PLCB1: variants seen among roughly 807,000 people sequenced by gnomAD.
PLCB1 encodes phospholipase C beta 1, also known as 1-phosphatidylinositol 4,5-bisphosphate phosphodiesterase beta-1.
In PLCB1, 46 loss-of-function variants were observed where a neutral mutation model predicts 161.8. That is an observed-to-expected ratio of 0.28 (90% CI 0.22 to 0.36). The LOEUF is 0.36. Ranked by LOEUF, PLCB1 falls within the 10% of genes least tolerant of loss-of-function variation. PLCB1 has a pLI of 1.00. For missense variants in PLCB1, 1,016 were observed against 1,472.5 expected (o/e 0.69, Z 5.07); for synonymous variants, 517 against 503.7 (o/e 1.03, Z -0.35).
chr20:8,352,065 A>G (rs1986197828), intron 2 of PLCB1, among the ~76,000 whole-genome samples: 1 of 152,120 alleles, frequency 6.6e-6, no homozygotes, highest in African/African-American at 2.4e-5. Context: ...CTTATTCTTA[A>G]TAACCCAAAA....
chr20:8,334,831 GC>G (rs1436015324), intron 2 of PLCB1, among the ~76,000 whole-genome samples: 1 of 152,136 alleles, frequency 6.6e-6, no homozygotes, highest in African/African-American at 2.4e-5. Flanking sequence ...ACCTACCTCT[GC>G]CCCATGCTTT....
At chr20:8,400,658 TA>T (rs1248159409) in intron 3 of PLCB1, among the ~76,000 whole-genome samples, 1 of 152,198 alleles carries the variant, frequency 6.6e-6, no homozygotes, top group Non-Finnish European at 1.5e-5. Context: ...TATTTAAACT[TA>T]GCAATTTGTT....
chr20:8,787,167 G>A (rs1227256969), intron 27 of PLCB1, among the ~76,000 whole-genome samples: 1 of 152,194 alleles, frequency 6.6e-6, no homozygotes. Context: ...GTTTTATTGT[G>A]TTGAAAGGAA....
intron 2 of PLCB1, among the ~76,000 whole-genome samples, chr20:8,353,324 G>T (rs1986245412): frequency 6.6e-6 from 1 of 152,078 alleles, no homozygotes; most frequent in African/African-American, 2.4e-5. Flanking sequence ...TTATAAATCA[G>T]TCATTGAATG....
intron 3 of PLCB1, among the ~76,000 whole-genome samples, chr20:8,553,043 C>T (rs1357600970): frequency 6.6e-6 from 1 of 152,142 alleles, no homozygotes; most frequent in Non-Finnish European, 1.5e-5. Context: ...GTCCGATTTA[C>T]ATCCATCGCT....
chr20:8,457,714 G>GCACA (rs145581916), intron 3 of PLCB1, among the ~76,000 whole-genome samples: 1,907 of 145,822 alleles, frequency 0.013, 41 homozygotes, highest in East Asian at 0.062. Context: ...ATGTGTGCGC[G>GCACA]CACACACACA....
chr20:8,501,864 CATATATATATATAT>C (rs36226867), intron 3 of PLCB1, among the ~76,000 whole-genome samples: 184 of 104,688 alleles, frequency 1.8e-3, no homozygotes, highest in South Asian at 4.5e-3. Context: ...AGATATATCG[CATATATATATATAT>C]ATATATATAT....
intron 4 of PLCB1, among the ~76,000 whole-genome samples, chr20:8,638,301 A>G (rs1988830898): frequency 6.6e-6 from 1 of 152,116 alleles, no homozygotes; most frequent in Admixed American, 6.5e-5. Flanking sequence ...ACTATTTTTA[A>G]TGAGTGGATC....
intron 27 of PLCB1, among the ~76,000 whole-genome samples, chr20:8,781,573 C>T (rs1488996851): frequency 6.6e-6 from 1 of 152,002 alleles, no homozygotes; most frequent in Non-Finnish European, 1.5e-5. Flanking sequence ...ATGAATGTAG[C>T]TTAATTTATT....
chr20:8,809,414 G>A (rs1984702823), intron 31 of PLCB1, among the ~76,000 whole-genome samples: 2 of 152,108 alleles, frequency 1.3e-5, no homozygotes, highest in African/African-American at 4.8e-5. Flanking sequence ...ATCGGTAGTG[G>A]TGGCTCTGAC....
intron 31 of PLCB1, among the ~76,000 whole-genome samples, chr20:8,796,118 T>C (rs1369926653): frequency 1.3e-5 from 2 of 152,182 alleles, no homozygotes; most frequent in African/African-American, 4.8e-5. Flanking sequence ...AACACAGGTT[T>C]TCTGCTTAAT....
chr20:8,145,398 T>C (rs2051443731), intron 1 of PLCB1, among the ~76,000 whole-genome samples: 1 of 152,178 alleles, frequency 6.6e-6, no homozygotes, highest in Non-Finnish European at 1.5e-5. Context: ...TTTGAGGTAC[T>C]GGGGATTAGG....
At chr20:8,746,126 T>A (rs979936846) in intron 23 of PLCB1, among the ~76,000 whole-genome samples, 1 of 152,164 alleles carries the variant, frequency 6.6e-6, no homozygotes, top group Non-Finnish European at 1.5e-5. Flanking sequence ...GAGACGGGGT[T>A]TCACCATGTT....
intron 3 of PLCB1, among the ~76,000 whole-genome samples, chr20:8,376,145 C>T (rs1987071858): frequency 3.3e-5 from 5 of 152,164 alleles, no homozygotes; most frequent in Admixed American, 2.0e-4. Context: ...GTGCTGCCAA[C>T]TTCCAGCTCT....
At chr20:8,478,811 T>A (rs1181765559) in intron 3 of PLCB1, among the ~76,000 whole-genome samples, 1 of 152,126 alleles carries the variant, frequency 6.6e-6, no homozygotes. Context: ...CTGAAAAAAA[T>A]TTTCTGCTAC....
chr20:8,742,506 A>T (rs1466971718), intron 23 of PLCB1, among the ~76,000 whole-genome samples: 3 of 152,206 alleles, frequency 2.0e-5, no homozygotes, highest in Non-Finnish European at 4.4e-5. Context: ...TAAAAATGAC[A>T]AAAGAAAACA....
chr20:8,337,718 C>T (rs1985637475), intron 2 of PLCB1, among the ~76,000 whole-genome samples: 1 of 152,054 alleles, frequency 6.6e-6, no homozygotes, highest in African/African-American at 2.4e-5. Flanking sequence ...ATTTAGAAAC[C>T]CTTTTGCAAA....
intron 9 of PLCB1, among the ~76,000 whole-genome samples, chr20:8,664,308 GTTAATAGTT>G (rs1464473901): frequency 6.6e-6 from 1 of 152,054 alleles, no homozygotes; most frequent in Admixed American, 6.6e-5. Flanking sequence ...TACTCGCTGA[GTTAATAGTT>G]TAATAGTTGA....
chr20:8,727,367 C>T lies in PLCB1; in HGVS notation c.1737C>T (p.Leu579=), dbSNP rs761026739. 6.3e-7 allele frequency: 1 copy of T among 1,595,722 alleles called. No homozygotes were observed. Among genetic ancestry groups the T allele is most frequent in the Non-Finnish European group, 8.6e-7 (1 of 1,164,124 alleles). ...TGGAAACCAAAGGACTTGAACAACT[C>T]ACCAAGTCTCCAGTGGAATTTGTAG... The part of the protein sequence containing the change: ...SFVETKGLEQ[L]TKSPVEFVEY... The change falls in exon 17 of 32, where the codon CTC becomes CTT. Residue 579 remains leucine (L), a synonymous_variant. Coordinates refer to ENST00000338037, the MANE Select transcript of PLCB1 (RefSeq NM_015192.4).
Sources: allele counts gnomAD v4.1 joint callset (sites outside exome capture counted in the v4.1 genomes callset), GRCh38; gene constraint gnomAD v4.1.1; transcripts MANE v1.5; gene names NCBI Gene and HGNC (gene_info 2026-07-23, HGNC 2026-07-21).